The following OR4E2 variants were observed in gnomAD, a reference collection of about 807,000 sequenced individuals.
OR4E2 encodes the protein olfactory receptor 4E2.
OR4E2 carries 9 observed loss-of-function variants against 11.0 expected under a neutral mutation model. The observed-to-expected ratio is 0.82, with a 90% CI of 0.49 to 1.43. OR4E2 has a LOEUF of 1.43. Among genes scored for constraint, OR4E2 ranks in the 40% most tolerant of loss-of-function variants. OR4E2 has a pLI of 0.00. For synonymous variants in OR4E2, 159 were observed against 147.3 expected (o/e 1.08, Z -0.57); for missense variants, 441 against 382.0 (o/e 1.15, Z -1.29).
chr14:21,656,994 T>G (rs1391674566), intron 2 of OR4E2, among the ~76,000 whole-genome samples: 1 of 152,256 alleles, frequency 6.6e-6, no homozygotes. Context: ...CCATCACTTC[T>G]GTTTGCTTTT....
At chr14:21,664,217 C>T (rs1880498462) in intron 3 of OR4E2, among the ~76,000 whole-genome samples, 1 of 152,218 alleles carries the variant, frequency 6.6e-6, no homozygotes, top group South Asian at 2.1e-4. Flanking sequence ...ACAGTCCCAT[C>T]AACAGTGTAA....
At chr14:21,664,487 A>C (rs769375909) in intron 3 of OR4E2, among the ~76,000 whole-genome samples, 19 of 152,184 alleles carry the variant, frequency 1.2e-4, no homozygotes, top group Non-Finnish European at 1.8e-4. Flanking sequence ...ACACTTGAAT[A>C]GAGTGTATGT....
intron 3 of OR4E2, among the ~76,000 whole-genome samples, chr14:21,663,070 T>C (rs1350054875): frequency 2.6e-5 from 4 of 152,204 alleles, no homozygotes; most frequent in Admixed American, 6.5e-5. Flanking sequence ...GAGTTCTTTT[T>C]CAGGCTGCCT....
Position 21,658,446 on chromosome 14 carries a change from A to T in OR4E2, c.-103+1857A>T, listed in dbSNP as rs1319713576. Among the ~76,000 whole-genome samples the T allele has an allele frequency of 2.0e-5, 3 of 152,300 alleles. No individual in the cohort carries two copies. The East Asian group carries it at 5.8e-4, about 29-fold the overall frequency. ...CGATAATGGTCTACTGTGATGGAAAATCATGTTCCTCTTGGCAAAAGGAGC... is the reference window on the plus strand; with the variant it reads ...CGATAATGGTCTACTGTGATGGAAATTCATGTTCCTCTTGGCAAAAGGAGC... On this transcript the variant is annotated intron_variant, in intron 2 of 3. Coordinates refer to ENST00000641524, the MANE Select transcript of OR4E2 (RefSeq NM_001001912.3).
In OR4E2 at chr14:21,665,145, G is replaced by A. The variant is rs1219247685; in HGVS notation, c.63G>A (p.Arg21=). The A allele has an allele frequency of 6.2e-7, 1 of 1,613,744 alleles. No individual in the cohort carries two copies. Among genetic ancestry groups the A allele is most frequent in the African/African-American group, 1.3e-5 (1 of 74,862 alleles). Residue 21 remains arginine (R), a synonymous_variant, in exon 4 of 4, where the codon CGG becomes CGA. Coordinates refer to ENST00000641524, the MANE Select transcript of OR4E2 (RefSeq NM_001001912.3). ...TCTTCTTGGGACTCACTGATAACCG[G>A]GTGCTGGAAATGCTGTTTTTCATGG... ...EFVFLGLTDN[R]VLEMLFFMAF... is the part of the protein sequence containing the mutation.
At chr14:21,663,658 T>C (rs938578856) in intron 3 of OR4E2, among the ~76,000 whole-genome samples, 1 of 152,206 alleles carries the variant, frequency 6.6e-6, no homozygotes, top group East Asian at 1.9e-4. Context: ...AAGTGAAGGA[T>C]GAATAGTATT....
In OR4E2 at chr14:21,667,388, G is replaced by T. The variant is rs920662954; in HGVS notation, c.*1364G>T. 6.6e-6 allele frequency: 1 copy of T among 152,066 alleles called. No homozygotes were observed. The highest frequency in any genetic ancestry group is 1.9e-4 in the East Asian group (1 of 5,190). 9.4% of individuals were successfully genotyped at this position (152,066 alleles called of 1,614,324 possible). Reference sequence around the variant, plus strand: ...GAGTGACCCACTAACTCTAACTAAAGAGTAATACATGATTACCTTTTAGTA... The same window carrying T: ...GAGTGACCCACTAACTCTAACTAAATAGTAATACATGATTACCTTTTAGTA... On this transcript the variant is annotated 3_prime_UTR_variant, in exon 4 of 4. Transcript: ENST00000641524.
chr14:21,665,419 T>C lies in OR4E2; in HGVS notation c.337T>C (p.Phe113Leu). 1 of 1,614,128 alleles carries C rather than the reference T, an allele frequency of 6.2e-7. No homozygotes were observed. The highest frequency in any genetic ancestry group is 8.5e-7 in the Non-Finnish European group (1 of 1,180,004). ...ACATCTCTTTGCCTGTGCCGAGATC[T>C]TTCTGCTGATCATTATGGCGTATGA... ...FLHLFACAEI[F>L]LLIIMAYDRY... Residue 113 changes from phenylalanine (F) to leucine (L), a missense_variant, in exon 4 of 4, where the codon TTT becomes CTT. Transcript: ENST00000641524.
intron 2 of OR4E2, among the ~76,000 whole-genome samples, chr14:21,659,089 G>A (rs1341586766): frequency 6.6e-6 from 1 of 151,642 alleles, no homozygotes; most frequent in Non-Finnish European, 1.5e-5. Flanking sequence ...AGGCTGGCTT[G>A]CAGTGGCATG....
chr14:21,657,594 C>T lies in OR4E2; in HGVS notation c.-103+1005C>T, dbSNP rs987009161. ...CTCTCTCCCCCTTCCCTTCCCTTCC[C>T]TTCCTTTCTTTTTTTAACGGAGTTT... On this transcript the variant is annotated intron_variant, in intron 2 of 3. Transcript: ENST00000641524. Among the ~76,000 whole-genome samples, 9 of 145,520 alleles carry T rather than the reference C, an allele frequency of 6.2e-5. No individual in the cohort carries two copies. The South Asian group carries it at 1.8e-3, about 29-fold the overall frequency.
rs186907032 is a variant in OR4E2, at chr14:21,664,883, G to A, written c.-8-192G>A. ...GATTCATGTGCCATAGGGTGGTTGT[G>A]TTTAAATAGAAGTGCCTGGCATGGC... On this transcript the variant is annotated intron_variant, in intron 3 of 3. Transcript: ENST00000641524. Among the ~76,000 whole-genome samples the A allele has an allele frequency of 2.0e-5, 3 of 152,300 alleles. No individual in the cohort carries two copies. The East Asian group carries it at 5.8e-4, about 29-fold the overall frequency.
intron 1 of OR4E2, among the ~76,000 whole-genome samples, chr14:21,654,611 A>G (rs1462991622): frequency 6.6e-6 from 1 of 152,150 alleles, no homozygotes; most frequent in Non-Finnish European, 1.5e-5. Context: ...CCCTCCATAT[A>G]CATGGGTTTT....
At chr14:21,662,257 AC>A (rs1420062083) in intron 3 of OR4E2, among the ~76,000 whole-genome samples, 1 of 151,612 alleles carries the variant, frequency 6.6e-6, no homozygotes, top group Non-Finnish European at 1.5e-5. Context: ...CTTCACGTCT[AC>A]CTTTTTTTTG....
At chr14:21,655,184 G>A (rs1879873185) in intron 1 of OR4E2, among the ~76,000 whole-genome samples, 1 of 152,164 alleles carries the variant, frequency 6.6e-6, no homozygotes, top group African/African-American at 2.4e-5. Flanking sequence ...TGAAAATAAA[G>A]AGACTTGCTC....
intron 2 of OR4E2, among the ~76,000 whole-genome samples, chr14:21,657,876 A>T (rs1314526359): frequency 4.6e-5 from 7 of 152,162 alleles, no homozygotes; most frequent in Non-Finnish European, 7.3e-5. Flanking sequence ...GGCATAAGCC[A>T]CTGCACCCAG....
rs749876039 is a variant in OR4E2 at position 21,665,451 on chromosome 14, C to T, written c.369C>T (p.Tyr123=). 19 of 1,613,856 alleles carry T rather than the reference C, an allele frequency of 1.2e-5. No individual in the cohort carries two copies. In the African/African-American group the frequency reaches 1.2e-4, roughly 10 times the overall value. ...TGATCATTATGGCGTATGATCGTTA[C>T]GTGGCTATCTGCACTCCACTCCACT... is the stretch of plus-strand genomic sequence containing the variant. The part of the protein sequence containing the change: ...FLLIIMAYDR[Y]VAICTPLHYP... The change falls in exon 4 of 4, where the codon TAC becomes TAT. Residue 123 remains tyrosine (Y), a synonymous_variant. Transcript: ENST00000641524.
chr14:21,665,061 T>A lies in OR4E2; in HGVS notation c.-8-14T>A. 7.3e-7 allele frequency: 1 copy of A among 1,376,050 alleles called. No individual in the cohort carries two copies. Among genetic ancestry groups the A allele is most frequent in the Non-Finnish European group, 1.0e-6 (1 of 998,108 alleles). 85.2% of individuals were successfully genotyped at this position (1,376,050 alleles called of 1,614,324 possible). ...TAATAAAACTAAATTAGCTTTCATTTTTTCCCCCCTAAGCTCATTGAATGG... is the reference window on the plus strand; with the variant it reads ...TAATAAAACTAAATTAGCTTTCATTATTTCCCCCCTAAGCTCATTGAATGG... On this transcript the variant is annotated splice_polypyrimidine_tract_variant and intron_variant, in intron 3 of 3. Transcript: ENST00000641524.
rs374100172 is a variant in OR4E2, at chr14:21,665,875, T to A, written c.793T>A (p.Phe265Ile). The change falls in exon 4 of 4, where the codon TTC (phenylalanine) becomes ATC (isoleucine). Residue 265 changes from phenylalanine (F) to isoleucine (I), a missense_variant. Coordinates refer to ENST00000641524, the MANE Select transcript of OR4E2 (RefSeq NM_001001912.3). ...IFIYTRPDTS[F>I]SIDKVVSVFY... is the part of the protein sequence containing the mutation. ...CATCTATACTCGGCCAGACACCAGC[T>A]TCTCCATTGACAAGGTGGTGTCTGT... is the stretch of plus-strand genomic sequence containing the variant. 1.2e-5 allele frequency: 20 copies of A among 1,609,212 alleles called. No individual in the cohort carries two copies. In the African/African-American group the frequency reaches 2.4e-4, roughly 19 times the overall value.
intron 3 of OR4E2, among the ~76,000 whole-genome samples, chr14:21,664,529 A>G (rs1880518741): frequency 6.6e-6 from 1 of 152,218 alleles, no homozygotes; most frequent in Non-Finnish European, 1.5e-5. Context: ...AAAAGTAAAG[A>G]CAAAGATTTT....
Sources: allele counts gnomAD v4.1 joint callset (sites outside exome capture counted in the v4.1 genomes callset), GRCh38; gene constraint gnomAD v4.1.1; transcripts MANE v1.5; gene names NCBI Gene and HGNC (gene_info 2026-07-23, HGNC 2026-07-21).